Variants in ENTREP2 observed in about 807,000 individuals in gnomAD.
ENTREP2 encodes the protein endosomal transmembrane epsin interactor 2, also known as protein ENTREP2.
At chr15:29,223,749 G>T in the ENTREP2 span, among the ~76,000 whole-genome samples, 2 of 152,116 alleles carry the variant, frequency 1.3e-5, no homozygotes, top group African/African-American at 2.4e-5. Flanking sequence ...CAGAGAGGCT[G>T]GTTCTGGAGC....
chr15:29,601,778 A>AATCACC, the ENTREP2 span, among the ~76,000 whole-genome samples: 1 of 152,200 alleles, frequency 6.6e-6, no homozygotes, highest in Admixed American at 6.5e-5. Context: ...TATCACTGAG[A>AATCACC]ATCACCGAGG....
chr15:29,259,666 C>G, the ENTREP2 span, among the ~76,000 whole-genome samples: 1 of 152,080 alleles, frequency 6.6e-6, no homozygotes, highest in Non-Finnish European at 1.5e-5. Context: ...CCTCCTGATT[C>G]TTCATTCTTC....
the ENTREP2 span, among the ~76,000 whole-genome samples, chr15:29,403,000 C>T: frequency 6.6e-6 from 1 of 152,064 alleles, no homozygotes; most frequent in Admixed American, 6.5e-5. Flanking sequence ...ATGTGAGGGC[C>T]GATGGCTTCA....
At chr15:29,533,919 G>C in the ENTREP2 span, among the ~76,000 whole-genome samples, 1 of 151,956 alleles carries the variant, frequency 6.6e-6, no homozygotes, top group African/African-American at 2.4e-5. Context: ...GTTTGGGTTT[G>C]CTTTACATCT....
At chr15:29,392,061 C>A in the ENTREP2 span, among the ~76,000 whole-genome samples, 1 of 152,090 alleles carries the variant, frequency 6.6e-6, no homozygotes, top group African/African-American at 2.4e-5. Flanking sequence ...ATCTCCTGAC[C>A]TCGTGATCTG....
the ENTREP2 span, among the ~76,000 whole-genome samples, chr15:29,476,409 A>C: frequency 6.6e-6 from 1 of 152,208 alleles, no homozygotes; most frequent in Admixed American, 6.5e-5. Flanking sequence ...TCTGAGCTAA[A>C]GTGGGAGGAG....
chr15:29,489,946 T>C, the ENTREP2 span, among the ~76,000 whole-genome samples: 5 of 152,264 alleles, frequency 3.3e-5, no homozygotes, highest in South Asian at 6.2e-4. Context: ...AGCATCAAAA[T>C]GTTTTAATTC....
At chr15:29,462,928 G>T in the ENTREP2 span, among the ~76,000 whole-genome samples, 16 of 152,244 alleles carry the variant, frequency 1.1e-4, no homozygotes, top group African/African-American at 3.9e-4. Context: ...ATAATGAAGG[G>T]TAGGAAGTTC....
the ENTREP2 span, among the ~76,000 whole-genome samples, chr15:29,314,250 C>A: frequency 1.3e-5 from 2 of 152,316 alleles, no homozygotes; most frequent in Non-Finnish European, 2.9e-5. Context: ...AGAGGACTGA[C>A]TCAAATTTTG....
At chr15:29,370,840 C>A in the ENTREP2 span, among the ~76,000 whole-genome samples, 6 of 152,052 alleles carry the variant, frequency 3.9e-5, no homozygotes, top group African/African-American at 1.4e-4. Flanking sequence ...CTCCAAAAAA[C>A]CTTGAACATG....
chr15:29,223,837 C>A, the ENTREP2 span, among the ~76,000 whole-genome samples: 1,960 of 152,240 alleles, frequency 0.013, 44 homozygotes, highest in African/African-American at 0.045. Flanking sequence ...TCCCAGCAGA[C>A]GAAAAGCAGG....
chr15:29,269,212 GCATCCT>G, the ENTREP2 span: 2 of 1,614,114 alleles, frequency 1.2e-6, no homozygotes, highest in South Asian at 2.2e-5. Flanking sequence ...CCTCATCTCG[GCATCCT>G]CCTCCACAGG....
At chr15:29,159,875 G>A in the ENTREP2 span, among the ~76,000 whole-genome samples, 1 of 152,266 alleles carries the variant, frequency 6.6e-6, no homozygotes, top group Admixed American at 6.5e-5. Context: ...GCTTCACCCG[G>A]TGGATCCCGC....
At chr15:29,263,798 C>T in the ENTREP2 span, among the ~76,000 whole-genome samples, 1 of 152,114 alleles carries the variant, frequency 6.6e-6, no homozygotes, top group East Asian at 1.9e-4. Context: ...ATTCCATTCT[C>T]CACCAAAAGA....
At chr15:29,537,010 T>C in the ENTREP2 span, among the ~76,000 whole-genome samples, 1 of 152,100 alleles carries the variant, frequency 6.6e-6, no homozygotes, top group Admixed American at 6.6e-5. Flanking sequence ...GAGAAGAAAT[T>C]TCTATTGTTT....
At chr15:29,567,005 C>G in the ENTREP2 span, among the ~76,000 whole-genome samples, 1 of 152,168 alleles carries the variant, frequency 6.6e-6, no homozygotes, top group Admixed American at 6.5e-5. Context: ...ACAAACTACT[C>G]TATTAAAGGA....
chr15:29,449,042 G>A, the ENTREP2 span, among the ~76,000 whole-genome samples: 1 of 152,180 alleles, frequency 6.6e-6, no homozygotes, highest in African/African-American at 2.4e-5. Flanking sequence ...GCATCTACAT[G>A]AAATGGCTCA....
the ENTREP2 span, among the ~76,000 whole-genome samples, chr15:29,193,693 TG>T: frequency 6.6e-6 from 1 of 152,354 alleles, no homozygotes; most frequent in Admixed American, 6.5e-5. Context: ...GTCTGGAGAA[TG>T]GAAGACGTAA....
At chr15:29,616,283 C>T in the ENTREP2 span, among the ~76,000 whole-genome samples, 1 of 152,112 alleles carries the variant, frequency 6.6e-6, no homozygotes, top group Non-Finnish European at 1.5e-5. Context: ...ACCCCTTGGT[C>T]AGACTTCTTT....
Sources: allele counts gnomAD v4.1 joint callset (sites outside exome capture counted in the v4.1 genomes callset), GRCh38; gene constraint gnomAD v4.1.1; transcripts MANE v1.5; gene names NCBI Gene and HGNC (gene_info 2026-07-23, HGNC 2026-07-21).